The following DCAF1 variants were observed in gnomAD, a reference collection of about 807,000 sequenced individuals.
DCAF1 encodes the protein DDB1- and CUL4-associated factor 1.
Under a neutral mutation model 128.0 loss-of-function variants are expected in DCAF1, and 15 were observed. The ratio of observed to expected loss-of-function variants is 0.12; its 90% CI spans 0.08 to 0.18. The LOEUF (loss-of-function observed/expected upper bound fraction) is 0.18. Among genes scored for constraint, DCAF1 ranks in the 10% least tolerant of loss-of-function variants. The probability of loss-of-function intolerance (pLI) is 1.00; values close to 1 mark genes in which losing one functional copy is unlikely to be tolerated. For synonymous variants in DCAF1, 610 were observed against 603.0 expected (o/e 1.01, Z -0.17); for missense variants, 988 against 1,649.5 (o/e 0.60, Z 6.95).
chr3:51,472,067 C>G (rs1199420035), intron 3 of DCAF1, among the ~76,000 whole-genome samples: 1 of 152,142 alleles, frequency 6.6e-6, no homozygotes, highest in Non-Finnish European at 1.5e-5. Context: ...CATGTCTGAT[C>G]TGATGCAATT....
chr3:51,404,749 G>A (rs926766294), intron 23 of DCAF1, among the ~76,000 whole-genome samples: 3 of 152,190 alleles, frequency 2.0e-5, no homozygotes, highest in Non-Finnish European at 4.4e-5. Context: ...TTCGGTGGGA[G>A]CATTTGTGTA....
At chr3:51,423,412 GA>G in intron 13 of DCAF1, among the ~76,000 whole-genome samples, 1 of 151,078 alleles carries the variant, frequency 6.6e-6, no homozygotes, top group Admixed American at 6.6e-5. Context: ...TGAGGCAGGA[GA>G]ATTGCTTGAA....
At chr3:51,481,346 G>A (rs1706171186) in intron 3 of DCAF1, among the ~76,000 whole-genome samples, 1 of 152,110 alleles carries the variant, frequency 6.6e-6, no homozygotes, top group Non-Finnish European at 1.5e-5. Context: ...GGGTAAACTG[G>A]AGGGTAAACT....
At chr3:51,436,592 C>T (rs1428874700) in intron 9 of DCAF1, among the ~76,000 whole-genome samples, 4 of 152,144 alleles carry the variant, frequency 2.6e-5, no homozygotes, top group African/African-American at 9.7e-5. Flanking sequence ...CTTCTTGTAT[C>T]TTTCCTTCCT....
At position 51,420,368 on chromosome 3, in the gene DCAF1, T is replaced by C. The variant is rs782814488; in HGVS notation, c.2602A>G (p.Thr868Ala). ...LISKGLGETA[T>A]VLTKEADLPM... is the part of the protein sequence containing the mutation. ...AGGTCAGCCTCTTTTGTCAGCACGG[T>C]TGCTGTTTCTCCAAGCCCTTTAGAA... The change falls in exon 15 of 25, where the codon ACC becomes GCC. Residue 868 changes from threonine to alanine, a missense_variant. Thr to Ala is a moderately conservative substitution (Grantham distance 58). This residue lies in a region of DCAF1 where 76 missense variants were observed against 186.9 expected (regional missense o/e 0.41). Coordinates refer to ENST00000684031, the MANE Select transcript of DCAF1 (RefSeq NM_001387579.1). The surrounding 1 kb of genome is among the most constrained non-coding windows in gnomAD (Gnocchi z 6.5). The C allele has an allele frequency of 8.7e-6, 14 of 1,613,916 alleles. No homozygotes were observed. Among genetic ancestry groups the C allele is most frequent in the African/African-American group, 5.3e-5 (4 of 74,940 alleles).
chr3:51,483,210 G>A (rs868992380), intron 3 of DCAF1, among the ~76,000 whole-genome samples: 9 of 146,292 alleles, frequency 6.2e-5, no homozygotes, highest in East Asian at 2.1e-4. Context: ...AGGCCAAGGC[G>A]GGTGTATCAC....
chr3:51,450,656 T>A (rs938260055), intron 6 of DCAF1, among the ~76,000 whole-genome samples: 1 of 152,148 alleles, frequency 6.6e-6, no homozygotes, highest in Non-Finnish European at 1.5e-5. Flanking sequence ...GATATCCACT[T>A]ATTTTTTGAG....
chr3:51,446,832 G>A (rs898819957), intron 6 of DCAF1, among the ~76,000 whole-genome samples: 2 of 150,676 alleles, frequency 1.3e-5, no homozygotes, highest in Admixed American at 6.6e-5. Flanking sequence ...ATGGTGGCAG[G>A]TGCCTGTAAT....
At chr3:51,438,974 T>C (rs1701106265) in intron 9 of DCAF1, among the ~76,000 whole-genome samples, 1 of 152,230 alleles carries the variant, frequency 6.6e-6, no homozygotes, top group Non-Finnish European at 1.5e-5. Flanking sequence ...CAGTTACCTA[T>C]TGAGGAGAAC....
At chr3:51,479,469 C>G (rs1228024321) in intron 3 of DCAF1, among the ~76,000 whole-genome samples, 1 of 151,844 alleles carries the variant, frequency 6.6e-6, no homozygotes, top group East Asian at 1.9e-4. Flanking sequence ...CGCCACTACA[C>G]TCCAGCCTCG....
intron 3 of DCAF1, among the ~76,000 whole-genome samples, chr3:51,476,385 T>C (rs1705447285): frequency 6.6e-6 from 1 of 151,276 alleles, no homozygotes; most frequent in African/African-American, 2.4e-5. Context: ...TGAGACTCCA[T>C]CTCAAAACAA....
Position 51,414,033 on chromosome 3 carries a change from C to T in DCAF1, c.3848G>A (p.Arg1283Gln). The part of the protein sequence containing the change: ...VIINTEIWDL[R>Q]TFHLLHTVPA... The stretch of plus-strand genomic sequence containing the variant: ...AACAGTATGCAAAAGATGAAAAGTT[C>T]GAAGGTCCCACTAGGAGGGGAATGG... The change falls in exon 20 of 25, where the codon CGA (arginine) becomes CAA (glutamine). Residue 1283 changes from arginine (R) to glutamine (Q), a missense_variant. Arg to Gln is a conservative substitution (Grantham distance 43). Around this residue, in one of 11 missense-constraint regions of DCAF1, gnomAD observed 85 missense variants for 204.6 expected, o/e 0.42. Coordinates refer to ENST00000684031, the MANE Select transcript of DCAF1 (RefSeq NM_001387579.1). 1 of 1,602,488 alleles carries T rather than the reference C, an allele frequency of 6.2e-7. No individual in the cohort carries two copies. Among genetic ancestry groups the T allele is most frequent in the Non-Finnish European group, 8.5e-7 (1 of 1,174,944 alleles).
intron 18 of DCAF1, 31 bp downstream of exon 18, chr3:51,416,756 A>G: frequency 6.3e-7 from 1 of 1,590,040 alleles, no homozygotes. Context: ...GGGTATGATC[A>G]GCTTGAAAAC....
In DCAF1 at chr3:51,397,848, G is replaced by C. The variant is rs2089312702; in HGVS notation, c.*921C>G. On this transcript the variant is annotated 3_prime_UTR_variant, in exon 25 of 25. Coordinates refer to ENST00000684031, the MANE Select transcript of DCAF1 (RefSeq NM_001387579.1). Reference sequence around the variant, plus strand: ...AAAATAGGGAAAGGCCATAAACAAAGACAGACTTGTAGTTTATTTTGTATT... The same window carrying C: ...AAAATAGGGAAAGGCCATAAACAAACACAGACTTGTAGTTTATTTTGTATT... 6.0e-6 allele frequency: 1 copy of C among 166,902 alleles called. No homozygotes were observed. Among genetic ancestry groups the C allele is most frequent in the Non-Finnish European group, 1.5e-5 (1 of 68,076 alleles). The allele number at this position is 166,902 out of a possible 1,614,324, so 10.3% of individuals were successfully genotyped here.
chr3:51,413,162 G>GT, intron 21 of DCAF1, 96 bp from the exon 22 acceptor site: 2 of 1,566,272 alleles, frequency 1.3e-6, no homozygotes, highest in African/African-American at 2.7e-5. Context: ...TTGCTCAAAA[G>GT]TATTTCCATA....
chr3:51,441,240 C>A, intron 8 of DCAF1, 145 bp downstream of exon 8: 1 of 1,210,022 alleles, frequency 8.3e-7, no homozygotes. Context: ...CAGGAATGAC[C>A]TGCATAAGAC....
intron 7 of DCAF1, among the ~76,000 whole-genome samples, chr3:51,442,861 A>G (rs892330076): frequency 2.0e-5 from 3 of 152,196 alleles, no homozygotes; most frequent in Non-Finnish European, 4.4e-5. Context: ...GCTCTCACTT[A>G]TAAGTGGGAA....
At chr3:51,417,020 G>T (rs1454946491) in intron 17 of DCAF1, 149 bp from the exon 18 acceptor site, 3 of 1,283,170 alleles carry the variant, frequency 2.3e-6, no homozygotes, top group African/African-American at 3.0e-5. Flanking sequence ...CATACACTTA[G>T]ATTACAAAGA....
chr3:51,486,191 TTC>T (rs1381940922), intron 2 of DCAF1, among the ~76,000 whole-genome samples: 2 of 147,258 alleles, frequency 1.4e-5, no homozygotes, highest in Non-Finnish European at 3.0e-5. Flanking sequence ...ACCCGGCAGA[TTC>T]TTTTTTTTTT....
Sources: gnomAD v4.1 joint callset for allele counts (sites outside exome capture counted in the v4.1 genomes callset) on GRCh38, gnomAD v4.1.1 for gene constraint, gnomAD v4.1.1 regional missense constraint, Gnocchi (gnomAD v3.1) non-coding constraint, MANE v1.5 for transcripts, NCBI Gene and HGNC (gene_info 2026-07-23, HGNC 2026-07-21) for gene names.